Variants in KYNU observed in about 807,000 individuals in gnomAD.
KYNU encodes the protein L-kynurenine hydrolase.
KYNU carries 54 observed loss-of-function variants against 59.2 expected under a neutral mutation model. That is an observed-to-expected ratio of 0.91 (90% CI 0.73 to 1.14). KYNU has a LOEUF of 1.14. KYNU is among the 50% of genes most tolerant of loss of function. The probability of loss-of-function intolerance (pLI) is 0.00; values close to 1 mark genes in which losing one functional copy is unlikely to be tolerated. For missense variants in KYNU, 567 were observed against 554.4 expected (o/e 1.02, Z -0.23); for synonymous variants, 177 against 192.0 (o/e 0.92, Z 0.65).
intron 10 of KYNU, among the ~76,000 whole-genome samples, chr2:143,017,397 C>T (rs1197677377): frequency 6.7e-6 from 1 of 150,094 alleles, no homozygotes; most frequent in African/African-American, 2.5e-5. Flanking sequence ...ACAGGCTCAC[C>T]GACATTGGTT....
At chr2:143,019,218 T>A (rs1488881933) in intron 10 of KYNU, among the ~76,000 whole-genome samples, 1 of 152,122 alleles carries the variant, frequency 6.6e-6, no homozygotes, top group Non-Finnish European at 1.5e-5. Context: ...GTTCCTACCT[T>A]AGAAAAAAGG....
chr2:142,924,777 A>C (rs927692485), intron 3 of KYNU, among the ~76,000 whole-genome samples: 2 of 152,230 alleles, frequency 1.3e-5, no homozygotes, highest in Non-Finnish European at 1.5e-5. Flanking sequence ...TATTTTAAGT[A>C]GCTTTGTTTG....
intron 8 of KYNU, among the ~76,000 whole-genome samples, chr2:142,974,947 C>CT (rs1365003814): frequency 2.0e-5 from 3 of 152,078 alleles, no homozygotes; most frequent in Admixed American, 6.6e-5. Flanking sequence ...AGCTACTACA[C>CT]TTTTTTAAAA....
Position 143,048,900 on chromosome 2 carries a change from G to A in KYNU, c.*6728G>A, listed in dbSNP as rs1256678415. 5 of 152,092 alleles carry A rather than the reference G, an allele frequency of 3.3e-5. No homozygotes were observed. The highest frequency in any genetic ancestry group is 2.0e-4 in the Admixed American group (3 of 15,256). The allele number at this position is 152,092 out of a possible 1,614,324, so 9.4% of individuals were successfully genotyped here. A position where few individuals can be genotyped will look rare whatever the true frequency, so the allele number is the denominator to read the frequency against. ...TAAGAATGCTTTTACACTGTTAGTGGGAATGTAAATTAGTTCAACCATTGC... is the reference window on the plus strand; with the variant it reads ...TAAGAATGCTTTTACACTGTTAGTGAGAATGTAAATTAGTTCAACCATTGC... On this transcript the variant is annotated 3_prime_UTR_variant, in exon 14 of 14. Transcript: ENST00000264170.
chr2:142,947,283 T>C, intron 4 of KYNU: 2 of 1,497,506 alleles, frequency 1.3e-6, no homozygotes, highest in Non-Finnish European at 1.8e-6. Flanking sequence ...CAAATTCACT[T>C]AAAACTCACC....
chr2:142,935,956 G>T (rs1226371781), intron 4 of KYNU, among the ~76,000 whole-genome samples: 1 of 152,158 alleles, frequency 6.6e-6, no homozygotes, highest in Non-Finnish European at 1.5e-5. Context: ...TGTAGGAAAA[G>T]AAGTGGATAC....
chr2:142,971,255 C>T (rs1271720629), intron 8 of KYNU: 1 of 152,016 alleles, frequency 6.6e-6, no homozygotes, highest in Non-Finnish European at 1.5e-5. Context: ...CTGAGCCCAC[C>T]ATTGAAGCCA....
intron 1 of KYNU, among the ~76,000 whole-genome samples, chr2:142,880,458 G>T (rs1401749778): frequency 6.6e-6 from 1 of 152,172 alleles, no homozygotes; most frequent in Non-Finnish European, 1.5e-5. Context: ...CTTACTTGCT[G>T]CTGGAATCAC....
intron 11 of KYNU, among the ~76,000 whole-genome samples, chr2:143,032,184 A>G (rs989941995): frequency 2.6e-5 from 4 of 152,112 alleles, no homozygotes; most frequent in Non-Finnish European, 4.4e-5. Context: ...AAGCTGAGGC[A>G]GGAGAATGGC....
chr2:143,021,211 T>A (rs1686397721), intron 10 of KYNU, among the ~76,000 whole-genome samples: 2 of 152,172 alleles, frequency 1.3e-5, no homozygotes, highest in African/African-American at 4.8e-5. Flanking sequence ...AGAGGATTTT[T>A]AAAAAATATA....
At chr2:142,948,914 T>A (rs1393781948) in intron 4 of KYNU, among the ~76,000 whole-genome samples, 1 of 152,238 alleles carries the variant, frequency 6.6e-6, no homozygotes. Flanking sequence ...CTTCTGCCTA[T>A]GATCCTGTAA....
At chr2:142,904,469 G>A (rs1171593559) in intron 2 of KYNU, among the ~76,000 whole-genome samples, 1 of 152,196 alleles carries the variant, frequency 6.6e-6, no homozygotes, top group African/African-American at 2.4e-5. Flanking sequence ...TCAGGCTGCA[G>A]TTATGGCAGC....
In KYNU at chr2:142,985,168, T is replaced by C; in HGVS notation, c.814T>C (p.Trp272Arg). 1 of 1,599,030 alleles carries C rather than the reference T, an allele frequency of 6.3e-7. No individual in the cohort carries two copies. ...TGACTGGGGAGTTGATTTTGCCTGC[T>C]GGTGTTCCTACAAGGTACAAACGAG... is the stretch of plus-strand genomic sequence containing the variant. ...LHDWGVDFAC[W>R]CSYKYLNAGA... The change falls in exon 9 of 14, where the codon TGG (tryptophan) becomes CGG (arginine). Residue 272 changes from tryptophan (W) to arginine (R), a missense_variant. By Grantham distance (101) the Trp-to-Arg change is moderately radical. Transcript: ENST00000264170.
chr2:143,016,319 A>G (rs1202391742), intron 10 of KYNU, among the ~76,000 whole-genome samples: 2 of 152,202 alleles, frequency 1.3e-5, no homozygotes, highest in Non-Finnish European at 2.9e-5. Flanking sequence ...ATAGATGCAC[A>G]TTTCAATATG....
chr2:143,033,394 C>T (rs1686813189), intron 12 of KYNU, 73 bp downstream of exon 12: 6 of 1,031,588 alleles, frequency 5.8e-6, no homozygotes, highest in East Asian at 4.7e-5. Flanking sequence ...ATTCATAGTA[C>T]TTTCTCTGCT....
chr2:143,044,573 C>T lies in KYNU; in HGVS notation c.*2401C>T, dbSNP rs1298789287. 4 of 152,168 alleles carry T rather than the reference C, an allele frequency of 2.6e-5. No individual in the cohort carries two copies. Among genetic ancestry groups the T allele is most frequent in the South Asian group, 2.1e-4 (1 of 4,826 alleles). The allele number at this position is 152,168 out of a possible 1,614,324, so 9.4% of individuals were successfully genotyped here. A position where few individuals can be genotyped will look rare whatever the true frequency, so the allele number is the denominator to read the frequency against. On this transcript the variant is annotated 3_prime_UTR_variant, in exon 14 of 14. Transcript: ENST00000264170. ...CATTGTGGTTTTGATTTGCATTTCTCTAATGACCAGTGATGATGAGTTTTT... is the reference window on the plus strand; with the variant it reads ...CATTGTGGTTTTGATTTGCATTTCTTTAATGACCAGTGATGATGAGTTTTT...
chr2:142,900,208 G>C (rs891269928), intron 2 of KYNU, among the ~76,000 whole-genome samples: 1 of 152,186 alleles, frequency 6.6e-6, no homozygotes, highest in Non-Finnish European at 1.5e-5. Flanking sequence ...GAGTGGCAGC[G>C]GGCGCCTCGC....
chr2:142,883,542 C>T (rs1681382797), intron 1 of KYNU, among the ~76,000 whole-genome samples: 1 of 151,982 alleles, frequency 6.6e-6, no homozygotes, highest in Non-Finnish European at 1.5e-5. Context: ...TTTTGCATAT[C>T]ACAGTTTGTC....
chr2:142,932,008 G>A (rs1683235980), intron 4 of KYNU, among the ~76,000 whole-genome samples: 1 of 152,208 alleles, frequency 6.6e-6, no homozygotes, highest in Non-Finnish European at 1.5e-5. Context: ...AGATAGCAGA[G>A]CGGCATGTGA....
Sources: allele counts gnomAD v4.1 joint callset (sites outside exome capture counted in the v4.1 genomes callset), GRCh38; gene constraint gnomAD v4.1.1; transcripts MANE v1.5; gene names NCBI Gene and HGNC (gene_info 2026-07-23, HGNC 2026-07-21).